NECTIN1: variants seen among roughly 807,000 people sequenced by gnomAD.
NECTIN1 encodes the protein nectin cell adhesion molecule 1, also known as nectin-1.
A neutral mutation model predicts 48.0 loss-of-function variants in NECTIN1; 23 were observed. That is an observed-to-expected ratio of 0.48 (90% CI 0.34 to 0.68). The LOEUF is 0.68. NECTIN1 is among the 30% of genes least tolerant of loss of function. The pLI is 0.01. For synonymous variants in NECTIN1, 270 were observed against 288.9 expected (o/e 0.93, Z 0.66); for missense variants, 591 against 709.9 (o/e 0.83, Z 1.90).
intron 1 of NECTIN1, among the ~76,000 whole-genome samples, chr11:119,691,928 C>G (rs1053151126): frequency 6.6e-6 from 1 of 152,182 alleles, no homozygotes; most frequent in Non-Finnish European, 1.5e-5. Flanking sequence ...CTGAGGGGAG[C>G]ACATCCCTCC....
chr11:119,676,566 G>A (rs925422240), intron 4 of NECTIN1, among the ~76,000 whole-genome samples: 13 of 152,344 alleles, frequency 8.5e-5, no homozygotes, highest in Admixed American at 2.6e-4. Context: ...GGGAGAAGGC[G>A]AAGGCAAGGC....
intron 5 of NECTIN1, among the ~76,000 whole-genome samples, chr11:119,652,318 C>T (rs995626802): frequency 7.2e-5 from 11 of 152,108 alleles, no homozygotes; most frequent in Admixed American, 2.0e-4. Flanking sequence ...GCTGGCTTGT[C>T]CTTCCTATTC....
At position 119,678,829 on chromosome 11, in the gene NECTIN1, C is replaced by T. The variant is rs1010487146; in HGVS notation, c.80-64G>A. 2 of 1,109,418 alleles carry T rather than the reference C, an allele frequency of 1.8e-6. No homozygotes were observed. Among genetic ancestry groups the T allele is most frequent in the Non-Finnish European group, 1.3e-6 (1 of 743,054 alleles). The allele number at this position is 1,109,418 out of a possible 1,614,324, so 68.7% of individuals were successfully genotyped here. A position where few individuals can be genotyped will look rare whatever the true frequency, so the allele number is the denominator to read the frequency against. On this transcript the variant is annotated intron_variant, in intron 1 of 5. Transcript: ENST00000264025. This position sits in a 1 kb window ranked among gnomAD's most constrained non-coding sequence, Gnocchi z 4.4. The stretch of plus-strand genomic sequence containing the variant: ...ACAGCCTCCCCCCACCCACACAGTT[C>T]CCTGTGCTCTGGCCTTGTCTTTTAT...
rs573383336 is a variant in NECTIN1, at chr11:119,672,802, C to T, written c.1003+2357G>A. Among the ~76,000 whole-genome samples the T allele has an allele frequency of 2.0e-5, 3 of 152,306 alleles. No homozygotes were observed. The East Asian group carries it at 5.8e-4, about 29-fold the overall frequency. On this transcript the variant is annotated intron_variant, in intron 5 of 5. Transcript: ENST00000264025. The surrounding 1 kb of genome is among the most constrained non-coding windows in gnomAD (Gnocchi z 4.3). ...CGCCCTCCAGCCCTGCCTACTCACT[C>T]ATCTCCCAGCAACCACTCAGTGCTC...
At chr11:119,669,217 G>A (rs1370463639) in intron 5 of NECTIN1, among the ~76,000 whole-genome samples, 1 of 152,170 alleles carries the variant, frequency 6.6e-6, no homozygotes, top group African/African-American at 2.4e-5. Context: ...TTCAAGACCA[G>A]CCTGACCAAC....
intron 1 of NECTIN1, among the ~76,000 whole-genome samples, chr11:119,681,716 T>C (rs2135554889): frequency 6.6e-6 from 1 of 152,274 alleles, no homozygotes; most frequent in African/African-American, 2.4e-5. Context: ...TTCTGTCCAC[T>C]GTGGCACTCC....
intron 1 of NECTIN1, among the ~76,000 whole-genome samples, chr11:119,691,917 G>GCTGAGGGGAGCACATCCCTCCT (rs1865260972): frequency 6.6e-6 from 1 of 152,118 alleles, no homozygotes; most frequent in Non-Finnish European, 1.5e-5. Flanking sequence ...TTGGCAAAAT[G>GCTGAGGGGAGCACATCCCTCCT]CTGAGGGGAG....
chr11:119,640,037 G>T (rs774939942), intron 5 of NECTIN1: 29 of 1,590,818 alleles, frequency 1.8e-5, no homozygotes, highest in Middle Eastern at 1.7e-4. Context: ...CAGGGAAGAG[G>T]ATTAGAGAGA....
intron 1 of NECTIN1, among the ~76,000 whole-genome samples, chr11:119,714,526 C>T (rs555462950): frequency 2.0e-4 from 30 of 152,246 alleles, no homozygotes; most frequent in African/African-American, 7.2e-4. Flanking sequence ...CACAGCCCAG[C>T]CCACCGCAGG....
At chr11:119,717,375 A>G (rs1056565176) in intron 1 of NECTIN1, among the ~76,000 whole-genome samples, 1 of 152,222 alleles carries the variant, frequency 6.6e-6, no homozygotes, top group Non-Finnish European at 1.5e-5. Context: ...TCCAGGCACC[A>G]TAAAGACAGG....
intron 5 of NECTIN1, among the ~76,000 whole-genome samples, chr11:119,666,142 G>T (rs1864765592): frequency 2.0e-5 from 3 of 152,214 alleles, no homozygotes; most frequent in African/African-American, 7.2e-5. Flanking sequence ...AGAAATGGGG[G>T]TGAAAGCATG....
rs34209843 is a variant in NECTIN1, at chr11:119,662,744, TG to T, written c.*2002del. 12,749 of 986,162 alleles carry T rather than the reference TG, an allele frequency of 0.013. 1,211 individuals are homozygous for T. The African/African-American group carries it at 0.2, about 15-fold the overall frequency. The allele number at this position is 986,162 out of a possible 1,614,324, so 61.1% of individuals were successfully genotyped here. On this transcript the variant is annotated 3_prime_UTR_variant, in exon 6 of 6. Coordinates refer to ENST00000264025, the MANE Select transcript of NECTIN1 (RefSeq NM_002855.5). The surrounding 1 kb of genome is among the most constrained non-coding windows in gnomAD (Gnocchi z 5.3). ...CTGTCCTGGGGGACACTAATACTGC[TG>T]GGAAAAGCAGCCCAGCTCCTCCACC... is the stretch of plus-strand genomic sequence containing the variant.
chr11:119,665,424 G>C lies in NECTIN1; in HGVS notation c.1004-127C>G, dbSNP rs2052102899. 7.0e-7 allele frequency: 1 copy of C among 1,432,630 alleles called. No homozygotes were observed. The allele number at this position is 1,432,630 out of a possible 1,614,324, so 88.7% of individuals were successfully genotyped here. A position where few individuals can be genotyped will look rare whatever the true frequency, so the allele number is the denominator to read the frequency against. On this transcript the variant is annotated intron_variant, in intron 5 of 5. Transcript: ENST00000264025. The surrounding 1 kb of genome is among the most constrained non-coding windows in gnomAD (Gnocchi z 5.1). ...GCTGTCTGCACCCCAGGTTTGAGCA[G>C]CTCCAGTTCGAGGCCCCGCAGCACT...
rs116866569 is a variant in NECTIN1 at position 119,687,592 on chromosome 11, T to C, written c.80-8827A>G. ...GCAAGTGTGCATTTTTAATGACACA[T>C]TTTGGGGAGTGTAGGCAGCAGCCTC... On this transcript the variant is annotated intron_variant, in intron 1 of 5. Coordinates refer to ENST00000264025, the MANE Select transcript of NECTIN1 (RefSeq NM_002855.5). 3.7e-3 allele frequency among the ~76,000 whole-genome samples: 565 copies of C among 152,170 alleles called. 5 individuals are homozygous for C. In the East Asian group the frequency reaches 0.048, roughly 13 times the overall value.
intron 1 of NECTIN1, among the ~76,000 whole-genome samples, chr11:119,691,760 T>A (rs2135562769): frequency 6.6e-6 from 1 of 152,232 alleles, no homozygotes; most frequent in South Asian, 2.1e-4. Context: ...ATCCACCTCA[T>A]TTGGTTGGAG....
intron 5 of NECTIN1, chr11:119,640,883 T>C (rs1591434124): frequency 6.6e-6 from 1 of 152,174 alleles, no homozygotes; most frequent in Non-Finnish European, 1.5e-5. Flanking sequence ...ACTTATGTAC[T>C]CCTTCCTCTC....
At chr11:119,676,717 G>A (rs998354000) in intron 4 of NECTIN1, 1 of 331,030 alleles carries the variant, frequency 3.0e-6, no homozygotes, top group Non-Finnish European at 5.9e-6. Flanking sequence ...CAAAGAAAGA[G>A]CTGAGATGCT....
At chr11:119,654,538 A>G (rs1000352267) in intron 5 of NECTIN1, among the ~76,000 whole-genome samples, 7 of 74,088 alleles carry the variant, frequency 9.4e-5, no homozygotes, top group Non-Finnish European at 1.9e-4. Flanking sequence ...GGAGATGGCA[A>G]TGTGTGTGTG....
Position 119,664,517 on chromosome 11 carries a change from A to G in NECTIN1, c.*230T>C. On this transcript the variant is annotated 3_prime_UTR_variant, in exon 6 of 6. Transcript: ENST00000264025. ...GGGAAGATACAGTAACACTAAAGCCACAGTCGAACACAACACCATGGGGAA... is the reference window on the plus strand; with the variant it reads ...GGGAAGATACAGTAACACTAAAGCCGCAGTCGAACACAACACCATGGGGAA... 1.4e-6 allele frequency: 2 copies of G among 1,403,634 alleles called. No homozygotes were observed. Among genetic ancestry groups the G allele is most frequent in the South Asian group, 1.6e-5 (1 of 61,112 alleles). The allele number at this position is 1,403,634 out of a possible 1,614,324, so 86.9% of individuals were successfully genotyped here. A position where few individuals can be genotyped will look rare whatever the true frequency, so the allele number is the denominator to read the frequency against.
Sources: gnomAD v4.1 joint callset for allele counts (sites outside exome capture counted in the v4.1 genomes callset) on GRCh38, gnomAD v4.1.1 for gene constraint, Gnocchi (gnomAD v3.1) non-coding constraint, MANE v1.5 for transcripts, NCBI Gene and HGNC (gene_info 2026-07-23, HGNC 2026-07-21) for gene names.